The following CSMD2 variants were observed in gnomAD, a reference collection of about 807,000 sequenced individuals.
The protein encoded by CSMD2 is CUB and Sushi multiple domains 2.
A neutral mutation model predicts 398.5 loss-of-function variants in CSMD2; 130 were observed. The ratio of observed to expected loss-of-function variants is 0.33; its 90% CI spans 0.28 to 0.38. The LOEUF is 0.38. CSMD2 is among the 10% of genes least tolerant of loss of function. The pLI, the probability that CSMD2 is intolerant of heterozygous loss-of-function variation, is 1.00. For missense variants in CSMD2, 3,829 were observed against 4,764.9 expected (o/e 0.80, Z 5.78); for synonymous variants, 1,828 against 1,908.5 (o/e 0.96, Z 1.10).
chr1:34,018,664 A>G (rs1367800344), intron 3 of CSMD2, among the ~76,000 whole-genome samples: 1 of 152,224 alleles, frequency 6.6e-6, no homozygotes, highest in East Asian at 1.9e-4. Flanking sequence ...GCTGCTATGT[A>G]TTTATTTGCT....
At chr1:33,949,380 G>A (rs1319522089) in intron 3 of CSMD2, among the ~76,000 whole-genome samples, 1 of 152,206 alleles carries the variant, frequency 6.6e-6, no homozygotes, top group African/African-American at 2.4e-5. Flanking sequence ...AACATGGGAT[G>A]CACCCTGGCT....
intron 31 of CSMD2, among the ~76,000 whole-genome samples, chr1:33,634,916 G>T (rs1249641014): frequency 6.6e-6 from 1 of 152,096 alleles, no homozygotes; most frequent in Non-Finnish European, 1.5e-5. Context: ...TAGGACTTGG[G>T]CCATACTGGG....
chr1:34,042,955 T>G (rs1652034207), intron 2 of CSMD2, among the ~76,000 whole-genome samples: 1 of 151,910 alleles, frequency 6.6e-6, no homozygotes, highest in East Asian at 1.9e-4. Context: ...CTGGCTAATT[T>G]TTTTTTTGTA....
intron 1 of CSMD2, among the ~76,000 whole-genome samples, chr1:34,147,206 C>T (rs995086550): frequency 9.2e-5 from 14 of 151,888 alleles, no homozygotes; most frequent in African/African-American, 2.2e-4. Context: ...TGCAGTGAGC[C>T]GAGATCGTGC....
intron 1 of CSMD2, among the ~76,000 whole-genome samples, chr1:34,095,523 AAAGAAAAAAAGAGAGAAGAG>A (rs1182079561): frequency 1.6e-4 from 25 of 152,112 alleles, no homozygotes; most frequent in African/African-American, 5.8e-4. Context: ...CAAGACTAAT[AAAGAAAAAAAGAGAGAAGAG>A]TCAAATAGAC....
chr1:33,838,688 GC>G (rs1177796166), intron 6 of CSMD2: 1 of 152,254 alleles, frequency 6.6e-6, no homozygotes, highest in Non-Finnish European at 1.5e-5. Context: ...TTACTATGAT[GC>G]CAAAGGGAAG....
Position 33,569,355 on chromosome 1 carries a change from G to T in CSMD2, c.8131+19C>A, listed in dbSNP as rs1241033246. ...CAAGGAGAAAAACTGGGCAGGATAGGCCTGCAGAGGTCACTTACCAAGGCA... is the reference window on the plus strand; with the variant it reads ...CAAGGAGAAAAACTGGGCAGGATAGTCCTGCAGAGGTCACTTACCAAGGCA... On this transcript the variant is annotated intron_variant, in intron 52 of 70. Transcript: ENST00000373381. 1 of 1,609,738 alleles carries T rather than the reference G, an allele frequency of 6.2e-7. No individual in the cohort carries two copies. Among genetic ancestry groups the T allele is most frequent in the Non-Finnish European group, 8.5e-7 (1 of 1,177,566 alleles).
intron 5 of CSMD2, among the ~76,000 whole-genome samples, chr1:33,879,619 G>A (rs1641090589): frequency 6.6e-6 from 1 of 152,158 alleles, no homozygotes; most frequent in Non-Finnish European, 1.5e-5. Context: ...ATATTGGGTG[G>A]CTGATAGCAA....
At chr1:34,157,771 C>G (rs1640943514) in intron 1 of CSMD2, among the ~76,000 whole-genome samples, 1 of 152,050 alleles carries the variant, frequency 6.6e-6, no homozygotes, top group Non-Finnish European at 1.5e-5. Context: ...TTTGATCCTA[C>G]CCAACTTACA....
At chr1:33,865,584 T>G (rs911220115) in intron 5 of CSMD2, among the ~76,000 whole-genome samples, 1 of 152,124 alleles carries the variant, frequency 6.6e-6, no homozygotes, top group African/African-American at 2.4e-5. Context: ...GTGGTGGGCA[T>G]GTGACCCAAG....
rs537179234 is a variant in CSMD2 at position 33,699,287 on chromosome 1, A to G, written c.3734-343T>C. Reference sequence around the variant, plus strand: ...AGACATTCTGATAAGATGGTGTAATATGGAGAAGTCACTTTAAATGTATGT... The same window carrying G: ...AGACATTCTGATAAGATGGTGTAATGTGGAGAAGTCACTTTAAATGTATGT... On this transcript the variant is annotated intron_variant, in intron 23 of 70. Transcript: ENST00000373381. Among the ~76,000 whole-genome samples, 12 of 152,316 alleles carry G rather than the reference A, an allele frequency of 7.9e-5. No individual in the cohort carries two copies. In the East Asian group the frequency reaches 2.1e-3, roughly 27 times the overall value.
intron 27 of CSMD2, among the ~76,000 whole-genome samples, chr1:33,654,140 C>T (rs1643882552): frequency 6.6e-6 from 1 of 152,112 alleles, no homozygotes; most frequent in Admixed American, 6.5e-5. Context: ...GCTTTTTGTT[C>T]CATGGGAAAA....
chr1:33,888,063 T>G (rs1303857782), intron 5 of CSMD2, among the ~76,000 whole-genome samples: 2 of 152,120 alleles, frequency 1.3e-5, no homozygotes, highest in Non-Finnish European at 2.9e-5. Flanking sequence ...TAACAAGAAA[T>G]TCACTAGACT....
At chr1:34,079,039 C>G (rs757198265) in intron 2 of CSMD2, among the ~76,000 whole-genome samples, 2 of 152,158 alleles carry the variant, frequency 1.3e-5, no homozygotes, top group African/African-American at 4.8e-5. Context: ...GCCCCACGGT[C>G]GCCAGTCTGC....
chr1:34,082,364 G>A (rs1218901041), intron 2 of CSMD2, among the ~76,000 whole-genome samples: 5 of 151,422 alleles, frequency 3.3e-5, no homozygotes, highest in African/African-American at 7.3e-5. Context: ...CAGCCGCCCC[G>A]TCTGGGAGGT....
chr1:33,571,680 T>C lies in CSMD2; in HGVS notation c.7809A>G (p.Arg2603=), dbSNP rs767355746. The change falls in exon 51 of 71, where the codon CGA becomes CGG. Residue 2603 remains arginine (R), a synonymous_variant. Coordinates refer to ENST00000373381, the MANE Select transcript of CSMD2 (RefSeq NM_001281956.2). ...ACTGTGTCTCAAAGATAAGCCTCCA[T>C]CGGCCATGCTCCACGCTGATGCTAC... ...DVSSISVEHG[R]WRLIFETQYQ... 12 of 1,572,822 alleles carry C rather than the reference T, an allele frequency of 7.6e-6. No homozygotes were observed. The highest frequency in any genetic ancestry group is 1.2e-5 in the South Asian group (1 of 83,958).
At chr1:33,822,479 T>C (rs1457651109) in intron 7 of CSMD2, among the ~76,000 whole-genome samples, 1 of 152,148 alleles carries the variant, frequency 6.6e-6, no homozygotes, top group Non-Finnish European at 1.5e-5. Context: ...GACTGTGTGC[T>C]CAAGCCAGAC....
intron 1 of CSMD2, among the ~76,000 whole-genome samples, chr1:34,159,446 T>C (rs1453661791): frequency 4.0e-5 from 6 of 150,904 alleles, no homozygotes; most frequent in Non-Finnish European, 1.5e-5. Context: ...GACAGCCCAG[T>C]GGGAAGAGCA....
At chr1:33,869,680 A>AT in intron 5 of CSMD2, among the ~76,000 whole-genome samples, 1 of 152,128 alleles carries the variant, frequency 6.6e-6, no homozygotes, top group East Asian at 1.9e-4. Context: ...CCACAGACAA[A>AT]TTCTCCTTCT....
Sources: allele counts gnomAD v4.1 joint callset (sites outside exome capture counted in the v4.1 genomes callset), GRCh38; gene constraint gnomAD v4.1.1; transcripts MANE v1.5; gene names NCBI Gene and HGNC (gene_info 2026-07-23, HGNC 2026-07-21).